Variants in LRP1B observed in about 807,000 individuals in gnomAD.
The protein encoded by LRP1B is LDL receptor related protein 1B, also known as low-density lipoprotein receptor-related protein 1B.
Under a neutral mutation model 556.6 loss-of-function variants are expected in LRP1B, and 217 were observed. The ratio of observed to expected loss-of-function variants is 0.39; its 90% CI spans 0.35 to 0.44. The LOEUF (loss-of-function observed/expected upper bound fraction) is 0.44, where lower values mean the gene tolerates loss of function less well. Ranked by LOEUF, LRP1B falls within the 20% of genes least tolerant of loss-of-function variation. The pLI is 1.00. For synonymous variants in LRP1B, 2,047 were observed against 1,865.8 expected (o/e 1.10, Z -2.50); for missense variants, 5,053 against 5,620.8 (o/e 0.90, Z 3.23).
At chr2:141,983,898 T>A (rs1026306097) in intron 1 of LRP1B, among the ~76,000 whole-genome samples, 2 of 152,016 alleles carry the variant, frequency 1.3e-5, no homozygotes, top group Non-Finnish European at 2.9e-5. Flanking sequence ...CTGTCTCTAC[T>A]AAAAATACAA....
At chr2:140,238,118 A>G in intron 89 of LRP1B, 34 bp downstream of exon 89, 1 of 1,541,298 alleles carries the variant, frequency 6.5e-7, no homozygotes, top group Non-Finnish European at 8.8e-7. Flanking sequence ...CAAGAATGTT[A>G]GTGCTCACTG....
chr2:140,321,875 GAA>G, intron 82 of LRP1B, 86 bp downstream of exon 82: 1 of 1,316,676 alleles, frequency 7.6e-7, no homozygotes, highest in African/African-American at 1.5e-5. Context: ...ACTGATGATG[GAA>G]CAGATAATTT....
In LRP1B at chr2:141,622,651, C is replaced by T. The variant is rs115123236; in HGVS notation, c.206-142118G>A. ...GACATGCTATGTATCCACACAGTCT[C>T]TCTGGAAAGTAAAGTGGAAGAGTTC... On this transcript the variant is annotated intron_variant, in intron 2 of 90. Transcript: ENST00000389484. Among the ~76,000 whole-genome samples the T allele has an allele frequency of 5.0e-3, 767 of 152,328 alleles. 11 individuals carry two copies. Among genetic ancestry groups the T allele is most frequent in the African/African-American group, 0.017 (720 of 41,578 alleles).
intron 35 of LRP1B, among the ~76,000 whole-genome samples, chr2:140,735,372 G>T (rs1251530390): frequency 6.6e-6 from 1 of 152,158 alleles, no homozygotes; most frequent in African/African-American, 2.4e-5. Flanking sequence ...CTGTTAATAA[G>T]CAGTTAAGAC....
At chr2:140,654,679 G>A (rs112783675) in intron 41 of LRP1B, among the ~76,000 whole-genome samples, 9,166 of 151,958 alleles carry the variant, frequency 0.06, 314 homozygotes, top group Admixed American at 0.079. Context: ...TGACACTATA[G>A]ATGGGATTTC....
In LRP1B at chr2:141,828,320, A is replaced by T. The variant is rs190373194; in HGVS notation, c.83-17919T>A. Among the ~76,000 whole-genome samples, 337 of 152,264 alleles carry T rather than the reference A, an allele frequency of 2.2e-3. 1 individual carries two copies. Among genetic ancestry groups the T allele is most frequent in the African/African-American group, 7.7e-3 (320 of 41,576 alleles). ...TCTCTATCATTATTTAAATGACAGC[A>T]GTGTGGTAATTCAATTTAAACATTC... On this transcript the variant is annotated intron_variant, in intron 1 of 90. Transcript: ENST00000389484.
chr2:140,518,034 A>T (rs190861386), intron 49 of LRP1B, among the ~76,000 whole-genome samples: 72 of 152,144 alleles, frequency 4.7e-4, no homozygotes, highest in Middle Eastern at 3.4e-3. Flanking sequence ...ACTGGGTGTC[A>T]TCTGTTCCAT....
At chr2:140,674,178 G>C (rs1250841534) in intron 41 of LRP1B, among the ~76,000 whole-genome samples, 1 of 151,910 alleles carries the variant, frequency 6.6e-6, no homozygotes, top group Non-Finnish European at 1.5e-5. Context: ...TCAAACTCCT[G>C]CCCTCAGGTG....
chr2:141,918,501 T>A (rs575317141), intron 1 of LRP1B, among the ~76,000 whole-genome samples: 1 of 152,140 alleles, frequency 6.6e-6, no homozygotes, highest in Admixed American at 6.6e-5. Context: ...GAAGAGAAAA[T>A]TAGATAACCT....
intron 3 of LRP1B, among the ~76,000 whole-genome samples, chr2:141,374,604 T>C (rs1290212808): frequency 6.6e-6 from 1 of 152,154 alleles, no homozygotes; most frequent in Non-Finnish European, 1.5e-5. Flanking sequence ...TCTGACGGAT[T>C]ATTTAAAAGG....
At chr2:141,841,399 C>A (rs1697466898) in intron 1 of LRP1B, among the ~76,000 whole-genome samples, 1 of 152,110 alleles carries the variant, frequency 6.6e-6, no homozygotes, top group African/African-American at 2.4e-5. Context: ...GATGTATTTA[C>A]ATTTGCAAAA....
intron 21 of LRP1B, among the ~76,000 whole-genome samples, chr2:140,922,075 G>C (rs1051378510): frequency 2.0e-5 from 3 of 151,942 alleles, no homozygotes; most frequent in Middle Eastern, 3.2e-3. Flanking sequence ...ATGGATTATT[G>C]GGAGGATGAT....
intron 25 of LRP1B, 95 bp downstream of exon 25, chr2:140,883,722 T>C (rs1573840131): frequency 4.3e-5 from 23 of 539,186 alleles, no homozygotes; most frequent in East Asian, 3.1e-4. Context: ...AAATAACCAC[T>C]TTGACTCATA....
chr2:142,016,834 T>TA, intron 1 of LRP1B, among the ~76,000 whole-genome samples: 1 of 94,560 alleles, frequency 1.1e-5, no homozygotes, highest in African/African-American at 3.3e-5. Flanking sequence ...ATATATATAT[T>TA]TATATGTATA....
intron 2 of LRP1B, among the ~76,000 whole-genome samples, chr2:141,580,194 G>T (rs566796580): frequency 2.0e-5 from 3 of 152,116 alleles, no homozygotes; most frequent in Non-Finnish European, 4.4e-5. Context: ...TCTACAAAAT[G>T]AGTCTTCTAT....
At chr2:140,491,318 A>T (rs1450274547) in intron 57 of LRP1B, among the ~76,000 whole-genome samples, 1 of 152,114 alleles carries the variant, frequency 6.6e-6, no homozygotes, top group African/African-American at 2.4e-5. Flanking sequence ...AAACTGAGAT[A>T]GTGGAGTCTA....
chr2:142,034,362 T>C (rs1462605224), intron 1 of LRP1B, among the ~76,000 whole-genome samples: 1 of 151,768 alleles, frequency 6.6e-6, no homozygotes. Context: ...CATATTCACA[T>C]GTATTCTAGC....
At chr2:141,999,012 C>T (rs548982509) in intron 1 of LRP1B, among the ~76,000 whole-genome samples, 3 of 152,218 alleles carry the variant, frequency 2.0e-5, no homozygotes, top group Non-Finnish European at 4.4e-5. Context: ...ACAGCTTTGT[C>T]GGCCATTTCA....
chr2:140,873,155 G>A (rs908063551), intron 25 of LRP1B, among the ~76,000 whole-genome samples: 1 of 151,994 alleles, frequency 6.6e-6, no homozygotes, highest in Non-Finnish European at 1.5e-5. Flanking sequence ...ATACATTTTT[G>A]TTTGCATTTA....
Sources: allele counts gnomAD v4.1 joint callset (sites outside exome capture counted in the v4.1 genomes callset), GRCh38; gene constraint gnomAD v4.1.1; transcripts MANE v1.5; gene names NCBI Gene and HGNC (gene_info 2026-07-23, HGNC 2026-07-21).